Variants in NR5A1 observed in about 807,000 individuals in gnomAD.
NR5A1 encodes the protein steroidogenic factor 1.
In NR5A1, 6 loss-of-function variants were observed where a neutral mutation model predicts 42.7. The observed-to-expected ratio is 0.14, with a 90% CI of 0.08 to 0.28. NR5A1 has a LOEUF of 0.28. Ranked by LOEUF, NR5A1 falls within the 10% of genes least tolerant of loss-of-function variation. The pLI, the probability that NR5A1 is intolerant of heterozygous loss-of-function variation, is 1.00. For synonymous variants in NR5A1, 274 were observed against 277.5 expected (o/e 0.99, Z 0.12); for missense variants, 442 against 626.4 (o/e 0.71, Z 3.14).
rs369217587 is a variant in NR5A1 at position 124,503,287 on chromosome 9, C to T, written c.102+7G>A. On this transcript the variant is annotated splice_region_variant and intron_variant, in intron 2 of 6. Coordinates refer to ENST00000373588, the MANE Select transcript of NR5A1 (RefSeq NM_004959.5). This position sits in a 1 kb window ranked among gnomAD's most constrained non-coding sequence, Gnocchi z 9.6. ...TGCCGCACCCCTGCCGCGCGCTCGC[C>T]GCTCACCTTGCAGCTCTCACACGTG... is the stretch of plus-strand genomic sequence containing the variant. The T allele has an allele frequency of 1.2e-6, 2 of 1,609,482 alleles. No individual in the cohort carries two copies. Among genetic ancestry groups the T allele is most frequent in the Non-Finnish European group, 1.7e-6 (2 of 1,178,528 alleles).
At chr9:124,504,412 C>T (rs865913276) in intron 1 of NR5A1, among the ~76,000 whole-genome samples, 1 of 151,968 alleles carries the variant, frequency 6.6e-6, no homozygotes, top group African/African-American at 2.4e-5. Context: ...ACCGAGAGCC[C>T]GAAAACGCAG....
At position 124,503,149 on chromosome 9, in the gene NR5A1, G is replaced by A; in HGVS notation, c.174C>T (p.Asp58=). The change falls in exon 3 of 7, where the codon GAC becomes GAT. Residue 58 remains aspartate (D), a synonymous_variant. Coordinates refer to ENST00000373588, the MANE Select transcript of NR5A1 (RefSeq NM_004959.5). The surrounding 1 kb of genome is among the most constrained non-coding windows in gnomAD (Gnocchi z 9.6). The part of the protein sequence containing the change: ...TCTESQSCKI[D]KTQRKRCPFC... ...AGGGACAGCGCTTGCGCTGCGTCTTGTCGATCTTGCAGCTCTGGCTCTCGG... is the reference window on the plus strand; with the variant it reads ...AGGGACAGCGCTTGCGCTGCGTCTTATCGATCTTGCAGCTCTGGCTCTCGG... The A allele has an allele frequency of 1.3e-6, 2 of 1,599,352 alleles. No homozygotes were observed. Among genetic ancestry groups the A allele is most frequent in the Non-Finnish European group, 1.7e-6 (2 of 1,174,102 alleles).
chr9:124,489,750 C>CTG, intron 6 of NR5A1, among the ~76,000 whole-genome samples: 1 of 132,228 alleles, frequency 7.6e-6, no homozygotes, highest in African/African-American at 2.8e-5. Context: ...ATCCTACCCG[C>CTG]CCCCCACCCC....
chr9:124,500,485 C>T lies in NR5A1; in HGVS notation c.475G>A (p.Gly159Arg), dbSNP rs772025425. 4 of 1,601,976 alleles carry T rather than the reference C, an allele frequency of 2.5e-6. No individual in the cohort carries two copies. Among genetic ancestry groups the T allele is most frequent in the East Asian group, 4.5e-5 (2 of 44,544 alleles). ...PKGLAAGPPA[G>R]PLGDFGAPAL... ...GGGGCCCCAAAGTCGCCCAGTGGCC[C>T]AGCAGGTGGACCGGCGGCCAGGCCC... Residue 159 changes from glycine to arginine, a missense_variant, in exon 4 of 7, where the codon GGG becomes AGG. Transcript: ENST00000373588. This position sits in a 1 kb window ranked among gnomAD's most constrained non-coding sequence, Gnocchi z 6.9.
intron 1 of NR5A1, among the ~76,000 whole-genome samples, chr9:124,504,024 C>CAGACAGAGAGAGAG (rs368063610): frequency 5.2e-4 from 55 of 105,936 alleles, no homozygotes; most frequent in African/African-American, 3.1e-3. Flanking sequence ...GACAGGGAGA[C>CAGACAGAGAGAGAG]AGAGAGAGAG....
intron 3 of NR5A1, among the ~76,000 whole-genome samples, chr9:124,502,754 G>A (rs900880127): frequency 2.0e-5 from 3 of 152,202 alleles, no homozygotes; most frequent in Non-Finnish European, 4.4e-5. Context: ...GGGTATTTTG[G>A]GGGCATGGGG....
intron 3 of NR5A1, among the ~76,000 whole-genome samples, chr9:124,502,719 G>A (rs1482557207): frequency 1.3e-5 from 2 of 152,250 alleles, no homozygotes; most frequent in African/African-American, 4.8e-5. Context: ...CGGGCACTGG[G>A]ACTTGGCCTC....
intron 6 of NR5A1, among the ~76,000 whole-genome samples, chr9:124,488,614 A>G (rs1359063098): frequency 6.6e-6 from 1 of 152,234 alleles, no homozygotes; most frequent in Non-Finnish European, 1.5e-5. Flanking sequence ...ATTCCGACAC[A>G]CACTTCCCAG....
At position 124,493,056 on chromosome 9, in the gene NR5A1, T is replaced by C; in HGVS notation, c.964A>G (p.Ser322Gly). 6.2e-7 allele frequency: 1 copy of C among 1,607,984 alleles called. No homozygotes were observed. ...YRQVQHGKEG[S>G]ILLVTGQEVE... The stretch of plus-strand genomic sequence containing the variant: ...TCCTGCCCGGTGACCAGCAGGATGC[T>C]GCCCTCCTTGCCGTGCTGGACCTGG... Residue 322 changes from serine to glycine, a missense_variant, in exon 5 of 7, where the codon AGC becomes GGC. Coordinates refer to ENST00000373588, the MANE Select transcript of NR5A1 (RefSeq NM_004959.5).
chr9:124,491,015 T>TCTCCCCC, intron 6 of NR5A1, 66 bp downstream of exon 6: 2 of 634,816 alleles, frequency 3.2e-6, no homozygotes, highest in Non-Finnish European at 5.5e-6. Flanking sequence ...CTCTCCAGCC[T>TCTCCCCC]CACCCACCCT....
intron 6 of NR5A1, among the ~76,000 whole-genome samples, chr9:124,485,030 A>G (rs1173559057): frequency 2.6e-5 from 4 of 152,072 alleles, no homozygotes; most frequent in Non-Finnish European, 4.4e-5. Context: ...GCTGAGGTGC[A>G]ATGCTACCTG....
chr9:124,486,607 T>C (rs965405582), intron 6 of NR5A1, among the ~76,000 whole-genome samples: 10 of 152,306 alleles, frequency 6.6e-5, no homozygotes, highest in African/African-American at 2.4e-4. Flanking sequence ...CCTGGGGTTC[T>C]AGGATTCCCC....
At chr9:124,488,027 C>T (rs1832247129) in intron 6 of NR5A1, among the ~76,000 whole-genome samples, 1 of 152,206 alleles carries the variant, frequency 6.6e-6, no homozygotes, top group Non-Finnish European at 1.5e-5. Context: ...CTCCTGTCCC[C>T]TCGCCAGCCT....
intron 5 of NR5A1, 85 bp from the exon 6 acceptor site, chr9:124,491,313 G>A (rs1036830866): frequency 1.9e-5 from 21 of 1,108,096 alleles, no homozygotes; most frequent in Middle Eastern, 3.0e-4. Context: ...GCAGGGCTGA[G>A]GGCATGGATT....
At chr9:124,492,302 G>A (rs1564150014) in intron 5 of NR5A1, among the ~76,000 whole-genome samples, 1 of 146,870 alleles carries the variant, frequency 6.8e-6, no homozygotes, top group Non-Finnish European at 1.5e-5. Flanking sequence ...CCGTGGCTGT[G>A]CCCCCGTGTC....
At chr9:124,493,823 C>G (rs1446453308) in intron 4 of NR5A1, among the ~76,000 whole-genome samples, 1 of 152,198 alleles carries the variant, frequency 6.6e-6, no homozygotes, top group Non-Finnish European at 1.5e-5. Context: ...AGGCTGCGGC[C>G]AGAGACACTC....
At chr9:124,504,210 G>A (rs1832516027) in intron 1 of NR5A1, among the ~76,000 whole-genome samples, 1 of 152,104 alleles carries the variant, frequency 6.6e-6, no homozygotes, top group African/African-American at 2.4e-5. Context: ...GAGGAGCCCC[G>A]GAGAGACGAG....
intron 4 of NR5A1, among the ~76,000 whole-genome samples, chr9:124,499,472 A>G (rs2131285922): frequency 1.3e-5 from 2 of 152,352 alleles, no homozygotes; most frequent in East Asian, 3.9e-4. Context: ...AGCATACGCA[A>G]GATTTGCAGA....
At chr9:124,494,253 C>T (rs911533507) in intron 4 of NR5A1, among the ~76,000 whole-genome samples, 6 of 152,194 alleles carry the variant, frequency 3.9e-5, no homozygotes, top group South Asian at 2.1e-4. Flanking sequence ...TACAGCCCTG[C>T]GAGTTTCGTA....
Sources: allele counts gnomAD v4.1 joint callset (sites outside exome capture counted in the v4.1 genomes callset), GRCh38; gene constraint gnomAD v4.1.1; non-coding constraint Gnocchi (gnomAD v3.1); transcripts MANE v1.5; gene names NCBI Gene and HGNC (gene_info 2026-07-23, HGNC 2026-07-21).